Variants in XXYLT1 observed in about 807,000 individuals in gnomAD.
XXYLT1 encodes UDP-xylose:alpha-xyloside alpha-1,3-xylosyltransferase.
Under a neutral mutation model 28.9 loss-of-function variants are expected in XXYLT1, and 20 were observed. That is an observed-to-expected ratio of 0.69 (90% CI 0.49 to 1.00). The LOEUF (loss-of-function observed/expected upper bound fraction) is 1.00, where lower values mean the gene tolerates loss of function less well. Ranked by LOEUF, XXYLT1 falls within the 50% of genes least tolerant of loss-of-function variation. The probability of loss-of-function intolerance (pLI) is 0.00; values close to 1 mark genes in which losing one functional copy is unlikely to be tolerated. For missense variants in XXYLT1, 542 were observed against 560.1 expected, an observed-to-expected ratio of 0.97 and a Z score of 0.33; for synonymous variants, 257 against 253.8, an observed-to-expected ratio of 1.01 and a Z score of -0.12.
chr3:195,131,695 T>C (rs1000341609), intron 3 of XXYLT1, among the ~76,000 whole-genome samples: 1 of 152,202 alleles, frequency 6.6e-6, no homozygotes, highest in Non-Finnish European at 1.5e-5. Flanking sequence ...GCCAGGGTGA[T>C]GAGGCAGGCA....
Position 195,134,880 on chromosome 3 carries a change from CGT to C in XXYLT1, c.785+21567_785+21568del, listed in dbSNP as rs1209531410. On this transcript the variant is annotated intron_variant, in intron 3 of 3. Transcript: ENST00000310380. ...GTGTGTGTGTGTGTGCGTGTGCGCG[CGT>C]GCGCGCACGTGCAAAGAGCTATCAG... is the stretch of plus-strand genomic sequence containing the variant. 9.0e-5 allele frequency among the ~76,000 whole-genome samples: 13 copies of C among 144,224 alleles called. 1 individual carries two copies. The East Asian group carries it at 1.4e-3, about 15-fold the overall frequency. 94.6% of individuals were successfully genotyped at this position (144,224 alleles called of 152,430 possible). A position where few individuals can be genotyped will look rare whatever the true frequency, so the allele number is the denominator to read the frequency against.
At chr3:195,134,511 G>A (rs1297706253) in intron 3 of XXYLT1, 1 of 155,412 alleles carries the variant, frequency 6.4e-6, no homozygotes, top group Non-Finnish European at 1.5e-5. Flanking sequence ...TGTTGTACAG[G>A]TTTGTAGCCC....
Position 195,124,327 on chromosome 3 carries a change from T to C in XXYLT1, c.785+32122A>G, listed in dbSNP as rs1718508314. 6.6e-6 allele frequency among the ~76,000 whole-genome samples: 1 copy of C among 152,206 alleles called. No individual in the cohort carries two copies. The stretch of plus-strand genomic sequence containing the variant: ...AAATGACAAGGTTTTCTACAGGAAC[T>C]GACCAGATGGTTGGGGGCTGGACTG... On this transcript the variant is annotated intron_variant, in intron 3 of 3. Transcript: ENST00000310380. This position sits in a 1 kb window ranked among gnomAD's most constrained non-coding sequence, Gnocchi z 4.1.
At chr3:195,110,226 TAAGTGTGTG>T (rs1321897141) in intron 3 of XXYLT1, among the ~76,000 whole-genome samples, 48 of 57,002 alleles carry the variant, frequency 8.4e-4, no homozygotes, top group East Asian at 2.2e-3. Flanking sequence ...GTGTGGTGTA[TAAGTGTGTG>T]GTGTGCGTGT....
At chr3:195,110,306 A>ATGAG (rs1717513833) in intron 3 of XXYLT1, among the ~76,000 whole-genome samples, 1 of 6,570 alleles carries the variant, frequency 1.5e-4, no homozygotes, top group Non-Finnish European at 2.7e-4. Context: ...TGTGTGGTAT[A>ATGAG]TGTGTGTGTG....
intron 3 of XXYLT1, 91 bp from the exon 4 acceptor site, chr3:195,070,202 A>G: frequency 1.4e-6 from 2 of 1,455,358 alleles, no homozygotes; most frequent in South Asian, 2.7e-5. Flanking sequence ...GCCTGCATGC[A>G]AACACTGCCA....
At chr3:195,114,294 A>G (rs1717931198) in intron 3 of XXYLT1, among the ~76,000 whole-genome samples, 3 of 152,224 alleles carry the variant, frequency 2.0e-5, no homozygotes, top group Admixed American at 2.0e-4. Flanking sequence ...TTCTCCACAA[A>G]GTACAGCCAC....
chr3:195,197,500 A>T (rs1460265461), intron 2 of XXYLT1, among the ~76,000 whole-genome samples: 5 of 152,174 alleles, frequency 3.3e-5, no homozygotes, highest in Non-Finnish European at 5.9e-5. Flanking sequence ...ACAGACTGAG[A>T]ACCAAATATT....
rs1043999725 is a variant in XXYLT1, at chr3:195,076,216, G to A, written c.786-6105C>T. Among the ~76,000 whole-genome samples the A allele has an allele frequency of 6.6e-6, 1 of 152,166 alleles. No homozygotes were observed. Among genetic ancestry groups the A allele is most frequent in the African/African-American group, 2.4e-5 (1 of 41,436 alleles). On this transcript the variant is annotated intron_variant, in intron 3 of 3. Transcript: ENST00000310380. The surrounding 1 kb of genome is among the most constrained non-coding windows in gnomAD (Gnocchi z 5.3). ...CCTGGAGGAAGGTCTGGGGGCTCGG[G>A]GAAGTGAGAAAAGAGGTGACATCTG...
At chr3:195,088,776 GA>G (rs745439508) in intron 3 of XXYLT1, among the ~76,000 whole-genome samples, 2,647 of 141,872 alleles carry the variant, frequency 0.019, 263 homozygotes, top group Admixed American at 0.17. Context: ...TGAAAACTTT[GA>G]AAAAAATTTA....
chr3:195,103,493 C>T (rs1418920018), intron 3 of XXYLT1, among the ~76,000 whole-genome samples: 2 of 152,204 alleles, frequency 1.3e-5, no homozygotes, highest in East Asian at 3.8e-4. Context: ...CTGCATGGGC[C>T]TAAATCACAC....
intron 1 of XXYLT1, among the ~76,000 whole-genome samples, chr3:195,236,243 A>G (rs1016848418): frequency 4.6e-5 from 7 of 152,128 alleles, no homozygotes; most frequent in Admixed American, 3.3e-4. Context: ...AGGGCCTGCA[A>G]TCGGAAGCCC....
intron 3 of XXYLT1, 28 bp downstream of exon 3, chr3:195,156,421 A>G: frequency 6.2e-7 from 1 of 1,608,382 alleles, no homozygotes; most frequent in Non-Finnish European, 8.5e-7. Flanking sequence ...GGGGTCGTGG[A>G]GGCGGCCCCC....
chr3:195,268,126 CAA>C (rs1577213748), intron 1 of XXYLT1, among the ~76,000 whole-genome samples: 1 of 151,634 alleles, frequency 6.6e-6, no homozygotes, highest in East Asian at 1.9e-4. Context: ...TTATCAAAAA[CAA>C]AACAAAACAA....
At chr3:195,249,196 C>A (rs903596748) in intron 1 of XXYLT1, among the ~76,000 whole-genome samples, 2 of 152,144 alleles carry the variant, frequency 1.3e-5, no homozygotes, top group Non-Finnish European at 2.9e-5. Context: ...ACGCTGATTT[C>A]CCCGCCTGAC....
intron 1 of XXYLT1, among the ~76,000 whole-genome samples, chr3:195,227,849 C>T (rs1724121801): frequency 6.6e-6 from 1 of 152,208 alleles, no homozygotes; most frequent in South Asian, 2.1e-4. Flanking sequence ...GACAAGAGTA[C>T]TAACGCGATC....
intron 2 of XXYLT1, chr3:195,183,541 T>C (rs1279864180): frequency 1.3e-5 from 2 of 152,356 alleles, no homozygotes; most frequent in South Asian, 2.1e-4. Flanking sequence ...CCCACTGAAC[T>C]CTTGGGATTC....
At chr3:195,082,401 T>C (rs59469498) in intron 3 of XXYLT1, among the ~76,000 whole-genome samples, 7,340 of 152,264 alleles carry the variant, frequency 0.048, 249 homozygotes, top group Middle Eastern at 0.12. Context: ...CTCCCTCTGG[T>C]GCTACTGTCT....
Position 195,271,133 on chromosome 3 carries a change from T to G in XXYLT1, c.-75A>C. ...CGGGTACCCGGACGCCGGCGGCCAC[T>G]TAGCCCCGGCGCCAGGCGGCGGCCA... On this transcript the variant is annotated 5_prime_UTR_variant, in exon 1 of 4. It removes the in-frame stop codon of an upstream open reading frame in the 5' UTR. Coordinates refer to ENST00000310380, the MANE Select transcript of XXYLT1 (RefSeq NM_152531.5). The G allele has an allele frequency of 7.9e-7, 1 of 1,263,456 alleles. No individual in the cohort carries two copies. Among genetic ancestry groups the G allele is most frequent in the Non-Finnish European group, 9.9e-7 (1 of 1,006,552 alleles). 78.3% of individuals were successfully genotyped at this position (1,263,456 alleles called of 1,614,324 possible).
Sources: allele counts gnomAD v4.1 joint callset (sites outside exome capture counted in the v4.1 genomes callset), GRCh38; gene constraint gnomAD v4.1.1; non-coding constraint Gnocchi (gnomAD v3.1); transcripts MANE v1.5; gene names NCBI Gene and HGNC (gene_info 2026-07-23, HGNC 2026-07-21).